The following TUFM variants were observed in gnomAD, a reference collection of about 807,000 sequenced individuals.
The protein encoded by TUFM is Tu translation elongation factor, mitochondrial.
A neutral mutation model predicts 45.0 loss-of-function variants in TUFM; 23 were observed. The observed-to-expected ratio is 0.51, with a 90% CI of 0.37 to 0.72. The LOEUF is 0.72. TUFM is among the 30% of genes least tolerant of loss of function. TUFM has a pLI of 0.00. For synonymous variants in TUFM, 243 were observed against 252.9 expected (o/e 0.96, Z 0.37); for missense variants, 490 against 610.7 (o/e 0.80, Z 2.08).
intron 2 of TUFM, 137 bp from the exon 3 acceptor site, chr16:28,845,617 G>A: frequency 1.7e-6 from 2 of 1,186,204 alleles, no homozygotes; most frequent in South Asian, 1.3e-5. Flanking sequence ...AGAACTGTGG[G>A]TCAGAAAGAA....
chr16:28,844,261 T>G lies in TUFM; in HGVS notation c.891A>C (p.Gly297=). Residue 297 remains glycine, a synonymous_variant, in exon 7 of 10, where the codon GGA becomes GGC. Coordinates refer to ENST00000313511, the MANE Select transcript of TUFM (RefSeq NM_003321.5). This position sits in a 1 kb window ranked among gnomAD's most constrained non-coding sequence, Gnocchi z 5.8. The stretch of plus-strand genomic sequence containing the variant: ...CCACAGTGCGGATGTTCTTGCTATG[T>G]CCTAGGAGCTCACACTCGTCTCCCT... ...LKKGDECELL[G]HSKNIRTVVT... is the part of the protein sequence containing the mutation. 6.2e-7 allele frequency: 1 copy of G among 1,614,140 alleles called. No individual in the cohort carries two copies. Among genetic ancestry groups the G allele is most frequent in the Non-Finnish European group, 8.5e-7 (1 of 1,180,014 alleles).
rs1446673543 is a variant in TUFM at position 28,844,394 on chromosome 16, G to A, written c.817+25C>T. 6.2e-7 allele frequency: 1 copy of A among 1,614,178 alleles called. No homozygotes were observed. Among genetic ancestry groups the A allele is most frequent in the East Asian group, 2.2e-5 (1 of 44,888 alleles). ...GAGCTAGGCTTCTGCTAGAGAGAGT[G>A]CGTGGGAACAGACAGAGTCCTCACC... On this transcript the variant is annotated intron_variant, in intron 6 of 9. Transcript: ENST00000313511. This position sits in a 1 kb window ranked among gnomAD's most constrained non-coding sequence, Gnocchi z 5.8.
In TUFM at chr16:28,846,309, C is replaced by G. The variant is rs971132171; in HGVS notation, c.-40G>C. Reference sequence around the variant, plus strand: ...AACCGGGGAGCCGGGACCAGGAGCCCGAGCGCACAGAAGAAGAAGGGCGCC... The same window carrying G: ...AACCGGGGAGCCGGGACCAGGAGCCGGAGCGCACAGAAGAAGAAGGGCGCC... On this transcript the variant is annotated 5_prime_UTR_variant, in exon 1 of 10. Coordinates refer to ENST00000313511, the MANE Select transcript of TUFM (RefSeq NM_003321.5). 9 of 1,543,714 alleles carry G rather than the reference C, an allele frequency of 5.8e-6. No homozygotes were observed. In the African/African-American group the frequency reaches 9.6e-5, roughly 16 times the overall value.
rs1441712156 is a variant in TUFM at position 28,844,939 on chromosome 16, G to A, written c.519+12C>T. 1.9e-6 allele frequency: 3 copies of A among 1,614,148 alleles called. No individual in the cohort carries two copies. Among genetic ancestry groups the A allele is most frequent in the Non-Finnish European group, 2.5e-6 (3 of 1,180,028 alleles). Reference sequence around the variant, plus strand: ...CTCTTCCCTTTTGCATCCTTACCCAGGCTCTGAGTACCTGTCTGGCCAGTA... The same window carrying A: ...CTCTTCCCTTTTGCATCCTTACCCAAGCTCTGAGTACCTGTCTGGCCAGTA... On this transcript the variant is annotated intron_variant, in intron 4 of 9. Coordinates refer to ENST00000313511, the MANE Select transcript of TUFM (RefSeq NM_003321.5). The surrounding 1 kb of genome is among the most constrained non-coding windows in gnomAD (Gnocchi z 5.8).
rs1006289259 is a variant in TUFM at position 28,846,114 on chromosome 16, G to T, written c.53-8C>A. On this transcript the variant is annotated splice_polypyrimidine_tract_variant and splice_region_variant and intron_variant, in intron 1 of 9. Transcript: ENST00000313511. ...TCCGGCCGGCGGCGAGACCTGCCGG[G>T]ACCGAAGCTTGGAGTCAGGCAGGGA... 1.9e-6 allele frequency: 3 copies of T among 1,613,456 alleles called. No homozygotes were observed. The highest frequency in any genetic ancestry group is 1.3e-5 in the African/African-American group (1 of 75,052).
chr16:28,845,589 C>G (rs1961925252), intron 2 of TUFM, 109 bp from the exon 3 acceptor site: 1 of 1,344,760 alleles, frequency 7.4e-7, no homozygotes, highest in South Asian at 1.2e-5. Flanking sequence ...CCTCCAATCT[C>G]TAACTCTTCC....
At position 28,844,601 on chromosome 16, in the gene TUFM, G is replaced by C. The variant is rs777898512; in HGVS notation, c.685-50C>G. The C allele has an allele frequency of 8.7e-6, 14 of 1,613,142 alleles. No individual in the cohort carries two copies. In the Middle Eastern group the frequency reaches 2.0e-3, roughly 234 times the overall value. On this transcript the variant is annotated intron_variant, in intron 5 of 9. Coordinates refer to ENST00000313511, the MANE Select transcript of TUFM (RefSeq NM_003321.5). The surrounding 1 kb of genome is among the most constrained non-coding windows in gnomAD (Gnocchi z 5.8). ...CTGAAATCCCCATTCTACTTCCCTC[G>C]ATTATCAAGAGCCACTTCCCAGACA...
chr16:28,844,233 T>A lies in TUFM; in HGVS notation c.919A>T (p.Thr307Ser). 1 of 1,614,042 alleles carries A rather than the reference T, an allele frequency of 6.2e-7. No individual in the cohort carries two copies. The highest frequency in any genetic ancestry group is 1.1e-5 in the South Asian group (1 of 91,074). ...GHSKNIRTVVTGIEMFHKSLE... is the reference protein window; with the variant it reads ...GHSKNIRTVVSGIEMFHKSLE... ...TCTCCAGACTGGCTTCCCAAACCTGTCACCACAGTGCGGATGTTCTTGCTA... is the reference window on the plus strand; with the variant it reads ...TCTCCAGACTGGCTTCCCAAACCTGACACCACAGTGCGGATGTTCTTGCTA... The change falls in exon 7 of 10, where the codon ACA becomes TCA. Residue 307 changes from threonine to serine, a missense_variant. By Grantham distance (58) the Thr-to-Ser change is moderately conservative (BLOSUM62 1). Transcript: ENST00000313511. The surrounding 1 kb of genome is among the most constrained non-coding windows in gnomAD (Gnocchi z 5.8).
At position 28,843,716 on chromosome 16, in the gene TUFM, A is replaced by G; in HGVS notation, c.1194+20T>C. On this transcript the variant is annotated intron_variant, in intron 9 of 9. Coordinates refer to ENST00000313511, the MANE Select transcript of TUFM (RefSeq NM_003321.5). ...ATAAAAAGTCCCCCCTCCACCCTACATTCCTCCCACCCACCGTACCTTCTC... is the reference window on the plus strand; with the variant it reads ...ATAAAAAGTCCCCCCTCCACCCTACGTTCCTCCCACCCACCGTACCTTCTC... 6.2e-7 allele frequency: 1 copy of G among 1,612,100 alleles called. No homozygotes were observed. The highest frequency in any genetic ancestry group is 1.1e-5 in the South Asian group (1 of 90,986).
chr16:28,845,778 A>G, intron 2 of TUFM, 134 bp downstream of exon 2: 1 of 1,133,420 alleles, frequency 8.8e-7, no homozygotes, highest in Non-Finnish European at 1.3e-6. Context: ...GCATCTCCCA[A>G]TCCACCTGTC....
In TUFM at chr16:28,843,731, C is replaced by T. The variant is rs371027566; in HGVS notation, c.1194+5G>A. ...TCCACCCTACATTCCTCCCACCCAC[C>T]GTACCTTCTCTGGGGGCAGGATAAT... On this transcript the variant is annotated splice_donor_5th_base_variant and intron_variant, in intron 9 of 9. Coordinates refer to ENST00000313511, the MANE Select transcript of TUFM (RefSeq NM_003321.5). 128 of 1,612,484 alleles carry T rather than the reference C, an allele frequency of 7.9e-5. No individual in the cohort carries two copies. The highest frequency in any genetic ancestry group is 1.1e-4 in the Non-Finnish European group (125 of 1,179,910).
At position 28,845,075 on chromosome 16, in the gene TUFM, G is replaced by GA; in HGVS notation, c.415-21dup. The stretch of plus-strand genomic sequence containing the variant: ...CATATTCTGGAGAGGAGAAGGAAAG[G>GA]AAACAGCCAAGTTCAACGAGCTCTT... On this transcript the variant is annotated intron_variant, in intron 3 of 9. Transcript: ENST00000313511. 8 of 1,613,188 alleles carry GA rather than the reference G, an allele frequency of 5.0e-6. No homozygotes were observed. The highest frequency in any genetic ancestry group is 6.8e-6 in the Non-Finnish European group (8 of 1,179,424).
chr16:28,845,552 G>A (rs1961923130), intron 2 of TUFM, 72 bp from the exon 3 acceptor site: 1 of 1,571,774 alleles, frequency 6.4e-7, no homozygotes, highest in East Asian at 2.3e-5. Context: ...CCACGCCCCT[G>A]AACCCTCCCA....
rs772319503 is a variant in TUFM, at chr16:28,843,742, T to G, written c.1188A>C (p.Pro396=). The stretch of plus-strand genomic sequence containing the variant: ...TTCCTCCCACCCACCGTACCTTCTC[T>G]GGGGGCAGGATAATCCGACAGGCCA... The part of the protein sequence containing the change: ...WDMACRIILP[P]EKELAMPGED... The change falls in exon 9 of 10, where the codon CCA becomes CCC. Residue 396 remains proline (P), a synonymous_variant. Coordinates refer to ENST00000313511, the MANE Select transcript of TUFM (RefSeq NM_003321.5). 7.4e-6 allele frequency: 12 copies of G among 1,612,808 alleles called. No individual in the cohort carries two copies. The African/African-American group carries it at 1.6e-4, about 22-fold the overall frequency.
At position 28,846,200 on chromosome 16, in the gene TUFM, C is replaced by T; in HGVS notation, c.52+18G>A. The T allele has an allele frequency of 6.3e-7, 1 of 1,582,192 alleles. No individual in the cohort carries two copies. Among genetic ancestry groups the T allele is most frequent in the Non-Finnish European group, 8.6e-7 (1 of 1,164,270 alleles). ...CCAAAGTGTTCCTGGGCCGCCATCG[C>T]CCTCCCTGACCACTCACCGCTGAAG... On this transcript the variant is annotated intron_variant, in intron 1 of 9. Transcript: ENST00000313511.
rs1397986342 is a variant in TUFM at position 28,842,723 on chromosome 16, GTTCA to G, written c.*248_*251del. 11 of 544,906 alleles carry G rather than the reference GTTCA, an allele frequency of 2.0e-5. No homozygotes were observed. The highest frequency in any genetic ancestry group is 3.3e-5 in the Non-Finnish European group (10 of 301,188). The allele number at this position is 544,906 out of a possible 1,614,324, so 33.8% of individuals were successfully genotyped here. On this transcript the variant is annotated 3_prime_UTR_variant, in exon 10 of 10. Coordinates refer to ENST00000313511, the MANE Select transcript of TUFM (RefSeq NM_003321.5). ...CTCACAAGCTCCCCATCTGTCTGGGGTTCAACACCCTTTTTGTCCTCCCCTATCC... is the reference window on the plus strand; with the variant it reads ...CTCACAAGCTCCCCATCTGTCTGGGGACACCCTTTTTGTCCTCCCCTATCC...
chr16:28,844,274 C>T lies in TUFM; in HGVS notation c.878G>A (p.Cys293Tyr). ...ERGILKKGDECELLGHSKNIR... is the reference protein window; with the variant it reads ...ERGILKKGDEYELLGHSKNIR... ...GTTCTTGCTATGTCCTAGGAGCTCA[C>T]ACTCGTCTCCCTTCTTTAAAATGCC... The change falls in exon 7 of 10, where the codon TGT becomes TAT. Residue 293 changes from cysteine to tyrosine, a missense_variant. By Grantham distance (194) the Cys-to-Tyr change is radical (BLOSUM62 -2). Transcript: ENST00000313511. This position sits in a 1 kb window ranked among gnomAD's most constrained non-coding sequence, Gnocchi z 5.8. The T allele has an allele frequency of 6.2e-7, 1 of 1,614,228 alleles. No homozygotes were observed. The highest frequency in any genetic ancestry group is 8.5e-7 in the Non-Finnish European group (1 of 1,180,046).
At chr16:28,845,118 G>A (rs1374294517) in intron 3 of TUFM, 63 bp from the exon 4 acceptor site, 140 of 1,587,370 alleles carry the variant, frequency 8.8e-5, no homozygotes, top group Non-Finnish European at 1.2e-4. Flanking sequence ...CATCCATATA[G>A]CCAAGTGTAG....
At chr16:28,845,138 A>G in intron 3 of TUFM, 83 bp from the exon 4 acceptor site, 1 of 1,572,874 alleles carries the variant, frequency 6.4e-7, no homozygotes, top group Admixed American at 1.7e-5. Context: ...GCAGTTAGAA[A>G]CTCAGGCCCA....
Sources: gnomAD v4.1 joint callset for allele counts on GRCh38, gnomAD v4.1.1 for gene constraint, Gnocchi (gnomAD v3.1) non-coding constraint, MANE v1.5 for transcripts, NCBI Gene and HGNC (gene_info 2026-07-23, HGNC 2026-07-21) for gene names.